The following ACER1 variants were observed in gnomAD, a reference collection of about 807,000 sequenced individuals.
ACER1 encodes alkaline ceramidase 1.
A neutral mutation model predicts 24.9 loss-of-function variants in ACER1; 28 were observed. That is an observed-to-expected ratio of 1.13 (90% confidence interval 0.83 to 1.54). ACER1 has a LOEUF of 1.54. Ranked by LOEUF, ACER1 falls within the 40% of genes most tolerant of loss-of-function variation. ACER1 has a pLI of 0.00. For missense variants in ACER1, 352 were observed against 349.3 expected, an observed-to-expected ratio of 1.01 and a Z score of -0.06; for synonymous variants, 132 against 131.4, an observed-to-expected ratio of 1.00 and a Z score of -0.03.
At chr19:6,355,424 C>G in the ACER1 span, among the ~76,000 whole-genome samples, 1 of 135,174 alleles carries the variant, frequency 7.4e-6, no homozygotes, top group Non-Finnish European at 1.5e-5. Flanking sequence ...TGAGGAGCGT[C>G]TCTGCCCAGC....
the ACER1 span, among the ~76,000 whole-genome samples, chr19:6,347,953 G>A: frequency 2.0e-5 from 3 of 151,414 alleles, no homozygotes; most frequent in East Asian, 2.0e-4. Context: ...ACGTTGGGAG[G>A]CCAAGGTGGG....
chr19:6,345,163 G>A, the ACER1 span, among the ~76,000 whole-genome samples: 1 of 152,238 alleles, frequency 6.6e-6, no homozygotes, highest in South Asian at 2.1e-4. Flanking sequence ...CCAAAGTGCT[G>A]GGATTACAGG....
chr19:6,317,960 G>T (rs1295524049), intron 1 of ACER1, among the ~76,000 whole-genome samples: 1 of 151,712 alleles, frequency 6.6e-6, no homozygotes, highest in African/African-American at 2.4e-5. Context: ...TCATCATATT[G>T]CCCAGGCTGG....
chr19:6,306,649 G>A lies in ACER1; in HGVS notation c.*65C>T, dbSNP rs778590189. 2.9e-5 allele frequency: 44 copies of A among 1,534,258 alleles called. No individual in the cohort carries two copies. In the Middle Eastern group the frequency reaches 8.7e-4, roughly 30 times the overall value. On this transcript the variant is annotated 3_prime_UTR_variant, in exon 6 of 6. Transcript: ENST00000301452. ...TGTCCCGCAGGTGCAAGTCCTGACCGGGGCTATCTTCTCAAGACACAGGCA... is the reference window on the plus strand; with the variant it reads ...TGTCCCGCAGGTGCAAGTCCTGACCAGGGCTATCTTCTCAAGACACAGGCA...
upstream of ACER1, among the ~76,000 whole-genome samples, chr19:6,335,403 T>C (rs1056618951): frequency 6.6e-6 from 1 of 151,782 alleles, no homozygotes; most frequent in Non-Finnish European, 1.5e-5. Flanking sequence ...TTTTGTATTT[T>C]TAGTAGAGAC....
intron 1 of ACER1, among the ~76,000 whole-genome samples, chr19:6,322,420 G>C (rs966046646): frequency 6.6e-6 from 1 of 152,016 alleles, no homozygotes; most frequent in Non-Finnish European, 1.5e-5. Flanking sequence ...TCCAGGACTC[G>C]AGCACATCTT....
chr19:6,355,763 C>CG, the ACER1 span, among the ~76,000 whole-genome samples: 4 of 141,682 alleles, frequency 2.8e-5, no homozygotes, highest in African/African-American at 1.2e-4. Context: ...GGGTCAGCCC[C>CG]CCACCCGGCC....
chr19:6,357,871 G>C, the ACER1 span, among the ~76,000 whole-genome samples: 1 of 152,160 alleles, frequency 6.6e-6, no homozygotes, highest in African/African-American at 2.4e-5. Flanking sequence ...CTGTTAGGGA[G>C]CTATTAACAA....
chr19:6,355,798 G>C, the ACER1 span, among the ~76,000 whole-genome samples: 1 of 147,038 alleles, frequency 6.8e-6, no homozygotes, highest in African/African-American at 2.6e-5. Context: ...GGAGGGAGGT[G>C]GGGGGTTCAG....
the ACER1 span, among the ~76,000 whole-genome samples, chr19:6,348,465 GAAAAAAA>G: frequency 2.1e-4 from 21 of 101,900 alleles, no homozygotes; most frequent in African/African-American, 3.2e-4. Context: ...ACTCCATCTG[GAAAAAAA>G]AAAAAAAAAA....
intron 1 of ACER1, among the ~76,000 whole-genome samples, chr19:6,316,345 G>C (rs2091602981): frequency 6.6e-6 from 1 of 152,106 alleles, no homozygotes. Flanking sequence ...AGGCTGAGGA[G>C]GAAAGATTGC....
the ACER1 span, chr19:6,343,671 G>A: frequency 6.5e-6 from 1 of 152,692 alleles, no homozygotes; most frequent in Non-Finnish European, 1.5e-5. Flanking sequence ...ATCCCAACAT[G>A]GCTTTGGTGT....
chr19:6,333,351 T>C, intron 1 of ACER1, 108 bp downstream of exon 1: 1 of 869,850 alleles, frequency 1.1e-6, no homozygotes, highest in Non-Finnish European at 1.7e-6. Flanking sequence ...AAACTAGGGC[T>C]GAGACAGGTG....
At chr19:6,352,606 G>T in the ACER1 span, among the ~76,000 whole-genome samples, 1 of 152,202 alleles carries the variant, frequency 6.6e-6, no homozygotes, top group Non-Finnish European at 1.5e-5. Flanking sequence ...TGAAACACAG[G>T]TGTATGAACA....
chr19:6,333,465 G>A lies in ACER1; in HGVS notation c.87C>T (p.Tyr29=), dbSNP rs16993553. The change falls in exon 1 of 6, where the codon TAC becomes TAT. Residue 29 remains tyrosine, a synonymous_variant. Coordinates refer to ENST00000301452, the MANE Select transcript of ACER1 (RefSeq NM_133492.3). ...FQYSELVAEF[Y]NTFSNIPFFI... ...CACACACCCACGCACTCACCGTGTT[G>A]TAGAACTCGGCCACCAGCTCCGAGT... 0.084 allele frequency: 132,933 copies of A among 1,587,918 alleles called. 7,074 individuals are homozygous for A. Among genetic ancestry groups the A allele is most frequent in the South Asian group, 0.24 (21,094 of 87,302 alleles).
At chr19:6,316,135 G>T (rs1284336682) in intron 1 of ACER1, among the ~76,000 whole-genome samples, 1 of 151,788 alleles carries the variant, frequency 6.6e-6, no homozygotes, top group Non-Finnish European at 1.5e-5. Flanking sequence ...CTCAAAAAAA[G>T]AAAAAAGAAT....
rs780226148 is a variant in ACER1 at position 6,306,934 on chromosome 19, C to T, written c.627-52G>A. The T allele has an allele frequency of 3.3e-5, 51 of 1,569,196 alleles. 1 individual carries two copies. Among genetic ancestry groups the T allele is most frequent in the South Asian group, 1.8e-4 (15 of 85,080 alleles). On this transcript the variant is annotated intron_variant, in intron 5 of 5. Transcript: ENST00000301452. ...AGGGCACAAGATACCCACAGCCTCA[C>T]GCCGGCCCTCTTTTTACTTCTCATG...
At chr19:6,306,922 C>A in intron 5 of ACER1, 40 bp from the exon 6 acceptor site, 1 of 1,586,550 alleles carries the variant, frequency 6.3e-7, no homozygotes, top group South Asian at 1.1e-5. Context: ...GCACAAGATA[C>A]CCACAGCCTC....
At chr19:6,316,413 G>T (rs2145003555) in intron 1 of ACER1, among the ~76,000 whole-genome samples, 1 of 152,270 alleles carries the variant, frequency 6.6e-6, no homozygotes, top group Non-Finnish European at 1.5e-5. Context: ...ACTCCAACCT[G>T]GGTGACAGAG....
Sources: gnomAD v4.1 joint callset for allele counts (sites outside exome capture counted in the v4.1 genomes callset) on GRCh38, gnomAD v4.1.1 for gene constraint, MANE v1.5 for transcripts, NCBI Gene and HGNC (gene_info 2026-07-23, HGNC 2026-07-21) for gene names.